The following MCMBP variants were observed in gnomAD, a reference collection of about 807,000 sequenced individuals.
MCMBP encodes the protein mini-chromosome maintenance complex-binding protein.
In MCMBP, 31 loss-of-function variants were observed where a neutral mutation model predicts 81.3. The ratio of observed to expected loss-of-function variants is 0.38; its 90% CI spans 0.29 to 0.51. The LOEUF (loss-of-function observed/expected upper bound fraction) is 0.51, where lower values mean the gene tolerates loss of function less well. MCMBP is among the 20% of genes least tolerant of loss of function. MCMBP has a pLI of 0.87. For missense variants in MCMBP, 645 were observed against 772.1 expected (o/e 0.84, Z 1.95); for synonymous variants, 267 against 275.9 (o/e 0.97, Z 0.32).
chr10:119,857,836 G>A (rs1392047962), intron 4 of MCMBP: 2 of 153,502 alleles, frequency 1.3e-5, no homozygotes, highest in African/African-American at 4.8e-5. Flanking sequence ...ATTCACAACA[G>A]AAGTTGTTGC....
intron 8 of MCMBP, among the ~76,000 whole-genome samples, chr10:119,844,363 C>T (rs1219169477): frequency 6.6e-6 from 1 of 152,118 alleles, no homozygotes; most frequent in Non-Finnish European, 1.5e-5. Context: ...TAAATTCATA[C>T]TCCTGTATTT....
In MCMBP at chr10:119,829,971, A is replaced by G. The variant is rs1851943306; in HGVS notation, c.*1503T>C. ...AAGAAAATGTATTTTATCCTCACAA[A>G]TCCAGTGAAGCCTTCATTTTATTTC... On this transcript the variant is annotated 3_prime_UTR_variant, in exon 16 of 16. Coordinates refer to ENST00000369077, the MANE Select transcript of MCMBP (RefSeq NM_001256378.2). 6.6e-6 allele frequency: 1 copy of G among 152,660 alleles called. No individual in the cohort carries two copies. Among genetic ancestry groups the G allele is most frequent in the South Asian group, 2.1e-4 (1 of 4,836 alleles). 9.5% of individuals were successfully genotyped at this position (152,660 alleles called of 1,614,324 possible).
intron 6 of MCMBP, among the ~76,000 whole-genome samples, chr10:119,852,076 C>T (rs891629488): frequency 7.0e-6 from 1 of 142,780 alleles, no homozygotes; most frequent in Non-Finnish European, 1.5e-5. Flanking sequence ...TGCTTGAACC[C>T]AAGAGGTGGA....
chr10:119,833,476 CAAAA>C (rs570174141), intron 14 of MCMBP, among the ~76,000 whole-genome samples: 3 of 85,138 alleles, frequency 3.5e-5, no homozygotes, highest in African/African-American at 1.3e-4. Flanking sequence ...CTCATCACTA[CAAAA>C]AAAAAAAGAA....
At chr10:119,870,405 C>A (rs1013418416) in intron 1 of MCMBP, among the ~76,000 whole-genome samples, 1 of 151,820 alleles carries the variant, frequency 6.6e-6, no homozygotes, top group African/African-American at 2.4e-5. Flanking sequence ...CGAGATTGCG[C>A]TACTGCACTC....
At chr10:119,850,283 A>G (rs1253465510) in intron 6 of MCMBP, among the ~76,000 whole-genome samples, 1 of 152,220 alleles carries the variant, frequency 6.6e-6, no homozygotes, top group Non-Finnish European at 1.5e-5. Flanking sequence ...TGACAAAATT[A>G]TAAGAGATGG....
At position 119,857,408 on chromosome 10, in the gene MCMBP, C is replaced by T. The variant is rs934808475; in HGVS notation, c.359G>A (p.Arg120Gln). 6.8e-6 allele frequency: 11 copies of T among 1,610,420 alleles called. No individual in the cohort carries two copies. Among genetic ancestry groups the T allele is most frequent in the African/African-American group, 6.7e-5 (5 of 74,850 alleles). ...PQQELDLNSP[R>Q]NTTLERQTFY... The stretch of plus-strand genomic sequence containing the variant: ...AGTCTGTCTTTCCAAAGTGGTATTT[C>T]GTGGAGAGTTTAAATCAAGTTCTTG... Residue 120 changes from arginine (R) to glutamine (Q), a missense_variant, in exon 5 of 16, where the codon CGA (arginine) becomes CAA (glutamine). Arg to Gln is a conservative substitution (Grantham distance 43). Coordinates refer to ENST00000369077, the MANE Select transcript of MCMBP (RefSeq NM_001256378.2).
At chr10:119,854,613 T>C (rs145819351) in intron 5 of MCMBP, among the ~76,000 whole-genome samples, 1,756 of 151,432 alleles carry the variant, frequency 0.012, 16 homozygotes, top group Non-Finnish European at 0.018. Flanking sequence ...ACATTTTCAA[T>C]TGAACAGAAA....
At chr10:119,849,684 T>A (rs1852740332) in intron 6 of MCMBP, 108 bp from the exon 7 acceptor site, 1 of 1,033,910 alleles carries the variant, frequency 9.7e-7, no homozygotes, top group African/African-American at 1.7e-5. Flanking sequence ...CTTCTGAGCT[T>A]GCAAAGTTCA....
intron 7 of MCMBP, 90 bp from the exon 8 acceptor site, chr10:119,847,803 A>C (rs1852669581): frequency 1.5e-6 from 1 of 663,798 alleles, no homozygotes; most frequent in African/African-American, 1.8e-5. Flanking sequence ...GGAATTTTAG[A>C]TCAGGAAACA....
At chr10:119,850,630 T>C (rs1852778023) in intron 6 of MCMBP, among the ~76,000 whole-genome samples, 1 of 150,668 alleles carries the variant, frequency 6.6e-6, no homozygotes, top group Admixed American at 6.6e-5. Flanking sequence ...GGGCCTGTAG[T>C]CCCAGCTACT....
At chr10:119,847,757 A>C in intron 7 of MCMBP, 44 bp from the exon 8 acceptor site, 1 of 1,186,674 alleles carries the variant, frequency 8.4e-7, no homozygotes, top group Non-Finnish European at 1.2e-6. Context: ...AACAGACACA[A>C]AGCTTAAGAT....
chr10:119,851,413 G>A (rs542784474), intron 6 of MCMBP, among the ~76,000 whole-genome samples: 22 of 152,186 alleles, frequency 1.4e-4, no homozygotes, highest in African/African-American at 4.6e-4. Flanking sequence ...ATACACACTC[G>A]AATATATTAC....
intron 5 of MCMBP, among the ~76,000 whole-genome samples, chr10:119,854,577 A>G (rs372395559): frequency 7.5e-6 from 1 of 133,752 alleles, no homozygotes; most frequent in Non-Finnish European, 1.6e-5. Flanking sequence ...ATAAATAAAT[A>G]AAACAAAATG....
chr10:119,846,441 A>C (rs1378211113), intron 8 of MCMBP, among the ~76,000 whole-genome samples: 1 of 152,254 alleles, frequency 6.6e-6, no homozygotes, highest in African/African-American at 2.4e-5. Flanking sequence ...TTCAAGCAAG[A>C]ATCATCAATG....
At position 119,841,317 on chromosome 10, in the gene MCMBP, G is replaced by A. The variant is rs142052116; in HGVS notation, c.1125-357C>T. Among the ~76,000 whole-genome samples, 3 of 152,276 alleles carry A rather than the reference G, an allele frequency of 2.0e-5. No individual in the cohort carries two copies. In the East Asian group the frequency reaches 5.8e-4, roughly 29 times the overall value. On this transcript the variant is annotated intron_variant, in intron 10 of 15. Transcript: ENST00000369077. ...GCTGACAGAGCTGGGATATGAATCC[G>A]GGTAGTTTGGTTCCAGAGCCTGTGC...
At chr10:119,866,764 A>G (rs1853471282) in intron 1 of MCMBP, among the ~76,000 whole-genome samples, 2 of 152,156 alleles carry the variant, frequency 1.3e-5, no homozygotes, top group Admixed American at 6.5e-5. Flanking sequence ...ATTTTTTTGG[A>G]CCAGCCTGAG....
intron 8 of MCMBP, among the ~76,000 whole-genome samples, chr10:119,844,161 C>T (rs531844480): frequency 6.6e-6 from 1 of 152,142 alleles, no homozygotes; most frequent in Non-Finnish European, 1.5e-5. Context: ...CCATTCATCT[C>T]TTATCTTGCT....
chr10:119,864,655 G>T, intron 1 of MCMBP, among the ~76,000 whole-genome samples: 1 of 138,826 alleles, frequency 7.2e-6, no homozygotes. Flanking sequence ...ATGGATTTTT[G>T]TTCTCTATTA....
Sources: allele counts gnomAD v4.1 joint callset (sites outside exome capture counted in the v4.1 genomes callset), GRCh38; gene constraint gnomAD v4.1.1; transcripts MANE v1.5; gene names NCBI Gene and HGNC (gene_info 2026-07-23, HGNC 2026-07-21).